The following GSG1L variants were observed in gnomAD, a reference collection of about 807,000 sequenced individuals.
GSG1L encodes the protein germ cell-specific gene 1-like protein.
GSG1L carries 24 observed loss-of-function variants against 42.1 expected under a neutral mutation model. That is an observed-to-expected ratio of 0.57 (90% CI 0.41 to 0.80). GSG1L has a LOEUF of 0.80. Among genes scored for constraint, GSG1L ranks in the 30% least tolerant of loss-of-function variants. The probability of loss-of-function intolerance (pLI) is 0.00; values close to 1 mark genes in which losing one functional copy is unlikely to be tolerated. For missense variants in GSG1L, 445 were observed against 472.2 expected, an observed-to-expected ratio of 0.94 and a Z score of 0.53; for synonymous variants, 215 against 203.5, an observed-to-expected ratio of 1.06 and a Z score of -0.48.
chr16:27,791,120 A>G lies in GSG1L; in HGVS notation c.*250T>C. On this transcript the variant is annotated 3_prime_UTR_variant, in exon 7 of 7. Coordinates refer to ENST00000447459, the MANE Select transcript of GSG1L (RefSeq NM_001109763.2). ...CCAGCAGGGCTCATGTGATGATGGC[A>G]AGAGTCCGGGGCTGCTGTCCCAAAG... 2.8e-6 allele frequency: 1 copy of G among 355,192 alleles called. No individual in the cohort carries two copies. Among genetic ancestry groups the G allele is most frequent in the East Asian group, 4.1e-5 (1 of 24,268 alleles). The allele number at this position is 355,192 out of a possible 1,614,324, so 22.0% of individuals were successfully genotyped here. A position where few individuals can be genotyped will look rare whatever the true frequency, so the allele number is the denominator to read the frequency against.
At chr16:27,828,731 C>A (rs755933896) in intron 5 of GSG1L, 58 bp downstream of exon 5, 1 of 1,542,656 alleles carries the variant, frequency 6.5e-7, no homozygotes, top group Non-Finnish European at 8.8e-7. Context: ...GCCACTGAGG[C>A]CAGGCCGTGG....
chr16:27,843,343 T>C lies in GSG1L; in HGVS notation c.662+1607A>G, dbSNP rs551357850. Among the ~76,000 whole-genome samples, 5 of 152,026 alleles carry C rather than the reference T, an allele frequency of 3.3e-5. No individual in the cohort carries two copies. In the South Asian group the frequency reaches 1.0e-3, roughly 32 times the overall value. Reference sequence around the variant, plus strand: ...CCAGTCTCCCCCAGGGTCTAAATCATTGGTTCAGGTTTGGTCACATACTTA... The same window carrying C: ...CCAGTCTCCCCCAGGGTCTAAATCACTGGTTCAGGTTTGGTCACATACTTA... On this transcript the variant is annotated intron_variant, in intron 4 of 6. Coordinates refer to ENST00000447459, the MANE Select transcript of GSG1L (RefSeq NM_001109763.2).
intron 6 of GSG1L, among the ~76,000 whole-genome samples, chr16:27,794,149 T>A (rs1394018380): frequency 1.3e-5 from 2 of 152,116 alleles, no homozygotes; most frequent in Non-Finnish European, 2.9e-5. Flanking sequence ...TGAGTAGCTG[T>A]GACTGCAGGT....
At chr16:27,969,663 T>C (rs890369234) in intron 1 of GSG1L, among the ~76,000 whole-genome samples, 3 of 152,264 alleles carry the variant, frequency 2.0e-5, no homozygotes, top group Non-Finnish European at 4.4e-5. Flanking sequence ...TGGTTATTTA[T>C]GAACGTTCAT....
At chr16:27,959,746 C>A (rs1461190620) in intron 2 of GSG1L, among the ~76,000 whole-genome samples, 2 of 152,018 alleles carry the variant, frequency 1.3e-5, no homozygotes, top group Non-Finnish European at 2.9e-5. Context: ...CGCACCACTG[C>A]ACTACAGATT....
chr16:28,000,221 A>G (rs2085566969), intron 1 of GSG1L, among the ~76,000 whole-genome samples: 1 of 152,228 alleles, frequency 6.6e-6, no homozygotes, highest in South Asian at 2.1e-4. Flanking sequence ...TAATCCCAGC[A>G]CTTTGGGAGG....
At chr16:27,979,749 G>GAAAGGAAAGAAA (rs1343911551) in intron 1 of GSG1L, among the ~76,000 whole-genome samples, 1 of 99,104 alleles carries the variant, frequency 1.0e-5, no homozygotes, top group Non-Finnish European at 2.0e-5. Context: ...AAGAAAGAAA[G>GAAAGGAAAGAAA]GAAAGAAAGA....
chr16:27,811,837 G>A (rs2083035222), intron 5 of GSG1L, among the ~76,000 whole-genome samples: 1 of 152,078 alleles, frequency 6.6e-6, no homozygotes, highest in African/African-American at 2.4e-5. Context: ...TTTTAGTAGA[G>A]ATGGGGTTTT....
At chr16:27,982,024 G>T (rs1010351022) in intron 1 of GSG1L, among the ~76,000 whole-genome samples, 1 of 152,122 alleles carries the variant, frequency 6.6e-6, no homozygotes, top group East Asian at 1.9e-4. Flanking sequence ...GAAACAGCTA[G>T]CTATCTACCA....
In GSG1L at chr16:27,905,751, G is replaced by A. The variant is rs564747444; in HGVS notation, c.398-21113C>T. Among the ~76,000 whole-genome samples the A allele has an allele frequency of 6.6e-5, 10 of 152,174 alleles. No individual in the cohort carries two copies. In the South Asian group the frequency reaches 1.2e-3, roughly 19 times the overall value. On this transcript the variant is annotated intron_variant, in intron 2 of 6. Coordinates refer to ENST00000447459, the MANE Select transcript of GSG1L (RefSeq NM_001109763.2). Reference sequence around the variant, plus strand: ...ACGGCATTCATCTTGGTGGCAGGGCGGGGCGGGGGATGCATGATGCATGAT... The same window carrying A: ...ACGGCATTCATCTTGGTGGCAGGGCAGGGCGGGGGATGCATGATGCATGAT...
intron 2 of GSG1L, among the ~76,000 whole-genome samples, chr16:27,938,850 G>A (rs1263158649): frequency 1.3e-5 from 2 of 152,180 alleles, no homozygotes; most frequent in Admixed American, 1.3e-4. Flanking sequence ...ACCACAAAGA[G>A]CAGCCCAAGT....
intron 1 of GSG1L, among the ~76,000 whole-genome samples, chr16:27,986,991 C>T (rs191382954): frequency 2.0e-5 from 3 of 152,158 alleles, no homozygotes; most frequent in African/African-American, 7.2e-5. Context: ...CCAAGGCGGG[C>T]AGATCACCTG....
At chr16:27,843,936 G>A (rs1379037400) in intron 4 of GSG1L, among the ~76,000 whole-genome samples, 1 of 152,196 alleles carries the variant, frequency 6.6e-6, no homozygotes, top group East Asian at 1.9e-4. Flanking sequence ...ACAAGGGAAG[G>A]AGAATGCACC....
At chr16:28,049,832 C>T (rs1279589020) in intron 1 of GSG1L, among the ~76,000 whole-genome samples, 1 of 152,206 alleles carries the variant, frequency 6.6e-6, no homozygotes, top group East Asian at 1.9e-4. Context: ...GTTCAGATGT[C>T]ACCTTGTCAA....
At chr16:27,825,087 C>G (rs541121043) in intron 5 of GSG1L, among the ~76,000 whole-genome samples, 5 of 152,296 alleles carry the variant, frequency 3.3e-5, no homozygotes, top group African/African-American at 1.2e-4. Context: ...ATCACATCCT[C>G]TCTCCTGGGG....
At chr16:27,903,161 C>A (rs1448564880) in intron 2 of GSG1L, among the ~76,000 whole-genome samples, 1 of 152,018 alleles carries the variant, frequency 6.6e-6, no homozygotes, top group Non-Finnish European at 1.5e-5. Flanking sequence ...GGGGCGGGAG[C>A]CTGGAGCTGG....
chr16:27,889,268 G>C (rs1398990201), intron 2 of GSG1L, among the ~76,000 whole-genome samples: 2 of 152,128 alleles, frequency 1.3e-5, no homozygotes, highest in African/African-American at 4.8e-5. Flanking sequence ...GAAATTATAG[G>C]TGTGCCCAGC....
chr16:27,868,592 T>C (rs995660731), intron 3 of GSG1L, among the ~76,000 whole-genome samples: 6 of 140,026 alleles, frequency 4.3e-5, no homozygotes, highest in Non-Finnish European at 7.7e-5. Context: ...TGGCAAGAGC[T>C]GTAAAAAAAA....
At chr16:28,058,049 AC>A (rs2086298202) in intron 1 of GSG1L, among the ~76,000 whole-genome samples, 1 of 152,210 alleles carries the variant, frequency 6.6e-6, no homozygotes, top group South Asian at 2.1e-4. Flanking sequence ...CTGGAGCCAA[AC>A]CCGGGGCTCG....
Sources: gnomAD v4.1 joint callset for allele counts (sites outside exome capture counted in the v4.1 genomes callset) on GRCh38, gnomAD v4.1.1 for gene constraint, MANE v1.5 for transcripts, NCBI Gene and HGNC (gene_info 2026-07-23, HGNC 2026-07-21) for gene names.